The following VPS13A variants were observed in gnomAD, a reference collection of about 807,000 sequenced individuals.
The protein encoded by VPS13A is vacuolar protein sorting 13 homolog A, also known as intermembrane lipid transfer protein VPS13A.
VPS13A carries 264 observed loss-of-function variants against 390.9 expected under a neutral mutation model. That is an observed-to-expected ratio of 0.68 (90% confidence interval 0.61 to 0.75). The LOEUF (loss-of-function observed/expected upper bound fraction) is 0.75. Ranked by LOEUF, VPS13A falls within the 30% of genes least tolerant of loss-of-function variation. VPS13A has a pLI of 0.00. For synonymous variants in VPS13A, 1,231 were observed against 1,227.1 expected (o/e 1.00, Z -0.07); for missense variants, 3,409 against 3,733.9 (o/e 0.91, Z 2.27).
At chr9:77,290,773 A>G (rs1212553607) in intron 31 of VPS13A, among the ~76,000 whole-genome samples, 1 of 152,164 alleles carries the variant, frequency 6.6e-6, no homozygotes, top group Non-Finnish European at 1.5e-5. Flanking sequence ...TTAATCTTTA[A>G]TATATCCCTT....
chr9:77,252,212 T>G, intron 21 of VPS13A, 23 bp from the exon 22 acceptor site: 1 of 1,546,884 alleles, frequency 6.5e-7, no homozygotes, highest in Non-Finnish European at 8.9e-7. Flanking sequence ...TTACGTTAAA[T>G]ATGAACTATT....
chr9:77,247,530 A>G, intron 20 of VPS13A, 135 bp downstream of exon 20: 2 of 974,592 alleles, frequency 2.1e-6, no homozygotes, highest in Non-Finnish European at 2.9e-6. Context: ...GATTTGAGAA[A>G]TCTCCCTTTC....
intron 1 of VPS13A, among the ~76,000 whole-genome samples, chr9:77,184,464 C>CA (rs1824208656): frequency 6.6e-6 from 1 of 152,014 alleles, no homozygotes; most frequent in African/African-American, 2.4e-5. Flanking sequence ...ACTAAAAATA[C>CA]AAAAATTAGC....
At chr9:77,298,013 A>G (rs1368463696) in intron 33 of VPS13A, among the ~76,000 whole-genome samples, 3 of 152,204 alleles carry the variant, frequency 2.0e-5, no homozygotes, top group Non-Finnish European at 4.4e-5. Context: ...TGTGGGAGTT[A>G]AAGGAGAAGA....
rs1831585973 is a variant in VPS13A, at chr9:77,353,434, G to A, written c.7445G>A (p.Gly2482Glu). The change falls in exon 54 of 72, where the codon GGG (glycine) becomes GAG (glutamate). Residue 2482 changes from glycine (G) to glutamate (E), a missense_variant. Transcript: ENST00000360280. ...KDDMMMPIDL[G>E]EKTIYLVSFF... is the part of the protein sequence containing the mutation. Reference sequence around the variant, plus strand: ...GATATGATGATGCCTATAGATTTGGGGGAAAAGACAATATATTTAGTTTCA... The same window carrying A: ...GATATGATGATGCCTATAGATTTGGAGGAAAAGACAATATATTTAGTTTCA... The A allele has an allele frequency of 1.9e-6, 3 of 1,610,366 alleles. No homozygotes were observed. The African/African-American group carries it at 4.0e-5, about 22-fold the overall frequency.
intron 26 of VPS13A, among the ~76,000 whole-genome samples, chr9:77,276,464 C>T (rs1204551096): frequency 2.0e-5 from 3 of 152,118 alleles, no homozygotes; most frequent in Non-Finnish European, 4.4e-5. Flanking sequence ...TTTAAATCTA[C>T]TTAACTGAGT....
intron 57 of VPS13A, 134 bp from the exon 58 acceptor site, chr9:77,359,199 C>T: frequency 1.3e-6 from 1 of 744,698 alleles, no homozygotes; most frequent in African/African-American, 1.8e-5. Flanking sequence ...GTAGATTTTG[C>T]CAATATCAGT....
chr9:77,282,302 CTTTTT>C (rs11316008), intron 29 of VPS13A, 28 bp downstream of exon 29: 20 of 1,370,648 alleles, frequency 1.5e-5, no homozygotes, highest in Non-Finnish European at 1.8e-5. Flanking sequence ...TTAGCATCAA[CTTTTT>C]TTTTTTTTAA....
chr9:77,399,212 A>G (rs1002325771), intron 68 of VPS13A, among the ~76,000 whole-genome samples: 8 of 142,450 alleles, frequency 5.6e-5, no homozygotes, highest in Non-Finnish European at 1.2e-4. Flanking sequence ...AAAACAAAGG[A>G]TACGGTTGAT....
chr9:77,252,311 A>G lies in VPS13A; in HGVS notation c.2247A>G (p.Glu749=), dbSNP rs766064605. The G allele has an allele frequency of 4.6e-5, 74 of 1,613,842 alleles. No individual in the cohort carries two copies. Among genetic ancestry groups the G allele is most frequent in the Non-Finnish European group, 5.6e-5 (66 of 1,179,918 alleles). Residue 749 remains glutamate, a synonymous_variant, in exon 22 of 72, where the codon GAA becomes GAG. Transcript: ENST00000360280. ...TGGTACCCATGCACTTCAATTTGGA[A>G]CTGTCTAAGGCCATGGTTTTCATGG... ...HILVPMHFNL[E]LSKAMVFMDV...
At chr9:77,177,904 T>C in intron 1 of VPS13A, 100 bp downstream of exon 1, 1 of 1,127,238 alleles carries the variant, frequency 8.9e-7, no homozygotes, top group East Asian at 2.6e-5. Flanking sequence ...AGCACCTTGC[T>C]CGCCGGGTGC....
chr9:77,228,074 T>TTATA lies in VPS13A; in HGVS notation c.1453-36_1453-33dup, dbSNP rs34249411. ...TGTACTATAAGAATATTTGTTATGC[T>TTATA]TATATATATATATATGTTTTCATTT... On this transcript the variant is annotated intron_variant, in intron 16 of 71. Coordinates refer to ENST00000360280, the MANE Select transcript of VPS13A (RefSeq NM_033305.3). 36 of 1,250,230 alleles carry TTATA rather than the reference T, an allele frequency of 2.9e-5. No individual in the cohort carries two copies. The African/African-American group carries it at 3.8e-4, about 13-fold the overall frequency. 77.4% of individuals were successfully genotyped at this position (1,250,230 alleles called of 1,614,324 possible). A position where few individuals can be genotyped will look rare whatever the true frequency, so the allele number is the denominator to read the frequency against.
chr9:77,207,844 G>A (rs2131135284), intron 5 of VPS13A, among the ~76,000 whole-genome samples: 1 of 152,182 alleles, frequency 6.6e-6, no homozygotes, highest in East Asian at 1.9e-4. Flanking sequence ...TGTCTTTCCA[G>A]GGTTCTGTGA....
At chr9:77,338,774 TG>T (rs1293732473) in intron 47 of VPS13A, 2 of 152,198 alleles carry the variant, frequency 1.3e-5, no homozygotes, top group African/African-American at 4.8e-5. Context: ...GAAAAACTGG[TG>T]AGATATTCAG....
At chr9:77,236,845 A>G (rs1291655383) in intron 17 of VPS13A, among the ~76,000 whole-genome samples, 19 of 152,174 alleles carry the variant, frequency 1.2e-4, no homozygotes. Flanking sequence ...GAGGTGGGAA[A>G]TGATCATAGC....
intron 22 of VPS13A, among the ~76,000 whole-genome samples, chr9:77,253,656 T>C (rs985513707): frequency 7.9e-5 from 12 of 152,154 alleles, no homozygotes; most frequent in African/African-American, 2.7e-4. Context: ...TTATCAGATA[T>C]ATGATTTGCA....
intron 17 of VPS13A, among the ~76,000 whole-genome samples, chr9:77,236,065 T>G (rs1418445596): frequency 6.6e-6 from 1 of 152,132 alleles, no homozygotes; most frequent in South Asian, 2.1e-4. Flanking sequence ...CTGAGTACAT[T>G]TAGGGTAGGC....
chr9:77,221,393 C>T, intron 13 of VPS13A, 37 bp downstream of exon 13: 6 of 1,605,678 alleles, frequency 3.7e-6, no homozygotes, highest in South Asian at 2.2e-5. Flanking sequence ...GTGTTTTATA[C>T]TACATAGCTC....
chr9:77,257,407 A>T (rs567549456), intron 22 of VPS13A, among the ~76,000 whole-genome samples: 4 of 151,974 alleles, frequency 2.6e-5, no homozygotes, highest in Admixed American at 2.6e-4. Flanking sequence ...GCTAATTTTT[A>T]AATTTTTTTG....
Sources: allele counts gnomAD v4.1 joint callset (sites outside exome capture counted in the v4.1 genomes callset), GRCh38; gene constraint gnomAD v4.1.1; transcripts MANE v1.5; gene names NCBI Gene and HGNC (gene_info 2026-07-23, HGNC 2026-07-21).